CIMIP7: variants seen among roughly 807,000 people sequenced by gnomAD.
The protein encoded by CIMIP7 is ciliary microtubule inner protein 7.
chr3:49,185,417 T>A, the CIMIP7 span, among the ~76,000 whole-genome samples: 1 of 149,478 alleles, frequency 6.7e-6, no homozygotes, highest in African/African-American at 2.5e-5. Flanking sequence ...ATAAAAAAAA[T>A]TAGCTGGACA....
the CIMIP7 span, among the ~76,000 whole-genome samples, chr3:49,181,723 T>C: frequency 2.0e-5 from 3 of 152,056 alleles, no homozygotes; most frequent in Non-Finnish European, 4.4e-5. Context: ...AAAATCACAG[T>C]CTAATTAGAA....
the CIMIP7 span, chr3:49,177,965 A>C: frequency 6.2e-7 from 1 of 1,613,574 alleles, no homozygotes; most frequent in Non-Finnish European, 8.5e-7. Context: ...TCTATCTCAC[A>C]GGGTGCCCAG....
At chr3:49,180,190 T>C in the CIMIP7 span, among the ~76,000 whole-genome samples, 3 of 152,122 alleles carry the variant, frequency 2.0e-5, no homozygotes, top group Admixed American at 2.0e-4. Context: ...GCAGGAGAAT[T>C]GCTTAAACCT....
the CIMIP7 span, among the ~76,000 whole-genome samples, chr3:49,190,464 T>G: frequency 6.6e-6 from 1 of 151,528 alleles, no homozygotes; most frequent in South Asian, 2.1e-4. Flanking sequence ...CTAAAGAGCC[T>G]GAGAAGAAAT....
chr3:49,183,434 C>T, the CIMIP7 span, among the ~76,000 whole-genome samples: 2 of 152,190 alleles, frequency 1.3e-5, no homozygotes, highest in Non-Finnish European at 2.9e-5. Flanking sequence ...GTAATCCCAG[C>T]ACTTTGGTAG....
the CIMIP7 span, among the ~76,000 whole-genome samples, chr3:49,185,138 G>T: frequency 6.6e-6 from 1 of 151,788 alleles, no homozygotes; most frequent in Non-Finnish European, 1.5e-5. Flanking sequence ...GTGCATGCCT[G>T]TAATCCCAGC....
At chr3:49,184,704 C>T in the CIMIP7 span, among the ~76,000 whole-genome samples, 2 of 150,766 alleles carry the variant, frequency 1.3e-5, no homozygotes, top group African/African-American at 2.4e-5. Flanking sequence ...TCTCAGCACA[C>T]CACAACCTCT....
At chr3:49,180,870 TAGTTA>T in the CIMIP7 span, among the ~76,000 whole-genome samples, 1 of 136,838 alleles carries the variant, frequency 7.3e-6, no homozygotes, top group Admixed American at 8.1e-5. Context: ...GTGGAGCTTG[TAGTTA>T]GCTGAGATCA....
the CIMIP7 span, among the ~76,000 whole-genome samples, chr3:49,187,297 C>A: frequency 1.3e-5 from 2 of 152,166 alleles, no homozygotes; most frequent in South Asian, 4.1e-4. Flanking sequence ...TCCATGGTTT[C>A]TGAGCAGGTA....
At chr3:49,178,522 T>G in the CIMIP7 span, 1 of 1,613,606 alleles carries the variant, frequency 6.2e-7, no homozygotes, top group Non-Finnish European at 8.5e-7. Context: ...GGAGAAGAAG[T>G]GTCGCTGCGC....
the CIMIP7 span, chr3:49,189,986 G>A: frequency 6.8e-7 from 1 of 1,479,214 alleles, no homozygotes; most frequent in Non-Finnish European, 9.5e-7. Context: ...GGCAAGAACT[G>A]GTCTAGTCAC....
chr3:49,178,548 CAGTG>C, the CIMIP7 span: 1 of 1,612,440 alleles, frequency 6.2e-7, no homozygotes, highest in African/African-American at 1.3e-5. Context: ...CCTTGAAAGA[CAGTG>C]AGAAAGAAGG....
At chr3:49,178,630 G>A in the CIMIP7 span, 1 of 1,131,656 alleles carries the variant, frequency 8.8e-7, no homozygotes, top group Non-Finnish European at 1.3e-6. Context: ...CCTTAATGGA[G>A]GGAAGTCACC....
At chr3:49,189,758 G>A in the CIMIP7 span, 1 of 573,462 alleles carries the variant, frequency 1.7e-6, no homozygotes, top group South Asian at 1.6e-5. Flanking sequence ...GGTTCTAGAG[G>A]CTCTTTGCCT....
chr3:49,181,481 A>T, the CIMIP7 span, among the ~76,000 whole-genome samples: 3 of 152,108 alleles, frequency 2.0e-5, no homozygotes, highest in Non-Finnish European at 4.4e-5. Flanking sequence ...AAAGGCTCCC[A>T]GACACTGTCT....
chr3:49,179,133 T>C, the CIMIP7 span, among the ~76,000 whole-genome samples: 1 of 152,106 alleles, frequency 6.6e-6, no homozygotes. Context: ...GGCAGCCAGA[T>C]CCTGTCAAAC....
the CIMIP7 span, among the ~76,000 whole-genome samples, chr3:49,188,482 AAAG>A: frequency 6.6e-6 from 1 of 152,148 alleles, no homozygotes; most frequent in African/African-American, 2.4e-5. Context: ...ACATGGAGGA[AAAG>A]AGAGAGGAGG....
the CIMIP7 span, among the ~76,000 whole-genome samples, chr3:49,180,265 A>G: frequency 6.6e-6 from 1 of 151,998 alleles, no homozygotes; most frequent in African/African-American, 2.4e-5. Context: ...AACAGAAAAA[A>G]AAAAATTAAT....
At chr3:49,184,458 A>G in the CIMIP7 span, among the ~76,000 whole-genome samples, 1 of 151,960 alleles carries the variant, frequency 6.6e-6, no homozygotes, top group Non-Finnish European at 1.5e-5. Context: ...AGTAGCTGGG[A>G]TTACAGGCAT....
Sources: allele counts gnomAD v4.1 joint callset (sites outside exome capture counted in the v4.1 genomes callset), GRCh38; gene constraint gnomAD v4.1.1; transcripts MANE v1.5; gene names NCBI Gene and HGNC (gene_info 2026-07-23, HGNC 2026-07-21).